The following SMYD3 variants were observed in gnomAD, a reference collection of about 807,000 sequenced individuals.
SMYD3 encodes histone-lysine N-methyltransferase SMYD3.
Under a neutral mutation model 57.7 loss-of-function variants are expected in SMYD3, and 36 were observed. The observed-to-expected ratio is 0.62, with a 90% CI of 0.48 to 0.82. SMYD3 has a LOEUF of 0.82. SMYD3 is among the 40% of genes least tolerant of loss of function. SMYD3 has a pLI of 0.00. For missense variants in SMYD3, 515 were observed against 538.8 expected (o/e 0.96, Z 0.44); for synonymous variants, 211 against 195.0 (o/e 1.08, Z -0.68).
chr1:246,186,984 A>G (rs1162058894), intron 5 of SMYD3: 1 of 949,160 alleles, frequency 1.1e-6, no homozygotes, highest in East Asian at 1.2e-4. Flanking sequence ...CGAAAGAAGA[A>G]ATGGTCTGCT....
intron 5 of SMYD3, among the ~76,000 whole-genome samples, chr1:245,993,194 G>A (rs2058844108): frequency 6.6e-6 from 1 of 152,130 alleles, no homozygotes; most frequent in Non-Finnish European, 1.5e-5. Context: ...ACCCTCTGAG[G>A]TGGTTACAAT....
intron 5 of SMYD3, among the ~76,000 whole-genome samples, chr1:246,061,559 A>G (rs1402643619): frequency 6.6e-6 from 1 of 151,402 alleles, no homozygotes; most frequent in African/African-American, 2.4e-5. Flanking sequence ...CTCTACTTAA[A>G]AAAAAAAAAA....
chr1:246,432,459 A>G (rs1018641642), intron 1 of SMYD3, among the ~76,000 whole-genome samples: 16 of 152,354 alleles, frequency 1.1e-4, no homozygotes, highest in African/African-American at 3.8e-4. Context: ...ACCCAGAAAG[A>G]GAGATCATCC....
intron 5 of SMYD3, among the ~76,000 whole-genome samples, chr1:246,157,979 G>A (rs2062049362): frequency 6.6e-6 from 1 of 152,194 alleles, no homozygotes; most frequent in Non-Finnish European, 1.5e-5. Context: ...ATTCCCCACT[G>A]GTTATGCACA....
At chr1:246,405,021 G>A (rs979278216) in intron 1 of SMYD3, among the ~76,000 whole-genome samples, 3 of 151,962 alleles carry the variant, frequency 2.0e-5, no homozygotes, top group Non-Finnish European at 2.9e-5. Context: ...GTGCAATCAC[G>A]GCTCACTACA....
At chr1:245,973,311 G>A (rs563577852) in intron 5 of SMYD3, among the ~76,000 whole-genome samples, 1 of 152,208 alleles carries the variant, frequency 6.6e-6, no homozygotes, top group African/African-American at 2.4e-5. Flanking sequence ...TATAGACACA[G>A]CACAAGAAGG....
chr1:246,226,673 A>G (rs1352832749), intron 5 of SMYD3, among the ~76,000 whole-genome samples: 2 of 152,242 alleles, frequency 1.3e-5, no homozygotes, highest in Non-Finnish European at 2.9e-5. Context: ...ACTGGGAAAC[A>G]GAACCATTTC....
In SMYD3 at chr1:246,332,523, T is replaced by A. The variant is rs2065477795; in HGVS notation, c.337-1986A>T. On this transcript the variant is annotated intron_variant, in intron 3 of 11. Coordinates refer to ENST00000490107, the MANE Select transcript of SMYD3 (RefSeq NM_001167740.2). The stretch of plus-strand genomic sequence containing the variant: ...ATCTCCATAACATAAAAGCACGAGG[T>A]GGCCAGGTGCGGTGGCTTACGCCCA... Among the ~76,000 whole-genome samples the A allele has an allele frequency of 2.6e-5, 4 of 152,148 alleles. No homozygotes were observed. The South Asian group carries it at 8.3e-4, about 32-fold the overall frequency.
chr1:245,987,875 G>A (rs1010790874), intron 5 of SMYD3, among the ~76,000 whole-genome samples: 1 of 152,174 alleles, frequency 6.6e-6, no homozygotes, highest in Non-Finnish European at 1.5e-5. Context: ...AAACCTGTTT[G>A]TACTGGAGAA....
At chr1:246,059,340 GA>G (rs66576741) in intron 5 of SMYD3, among the ~76,000 whole-genome samples, 7,771 of 129,272 alleles carry the variant, frequency 0.06, 252 homozygotes, top group African/African-American at 0.099. Flanking sequence ...TTTACCTAGA[GA>G]AAAAAAAAAA....
intron 5 of SMYD3, among the ~76,000 whole-genome samples, chr1:245,989,043 T>C (rs1017377680): frequency 4.6e-5 from 7 of 152,232 alleles, no homozygotes; most frequent in African/African-American, 1.4e-4. Context: ...GCTGAACACA[T>C]TGTAACTTAT....
intron 5 of SMYD3, among the ~76,000 whole-genome samples, chr1:246,281,917 A>G (rs969157149): frequency 6.6e-6 from 1 of 152,224 alleles, no homozygotes; most frequent in Admixed American, 6.5e-5. Context: ...TCAGAGGACA[A>G]TGACACACTG....
intron 5 of SMYD3, among the ~76,000 whole-genome samples, chr1:246,147,117 T>A (rs531895650): frequency 4.3e-4 from 66 of 152,328 alleles, no homozygotes; most frequent in African/African-American, 1.4e-3. Flanking sequence ...TCCGAGTCCA[T>A]ATGTTCGCTG....
chr1:246,029,630 C>G (rs544090560), intron 5 of SMYD3, among the ~76,000 whole-genome samples: 1 of 148,364 alleles, frequency 6.7e-6, no homozygotes, highest in South Asian at 2.1e-4. Context: ...CAAGATCCTA[C>G]CACTGCACTC....
chr1:246,431,411 C>A (rs989897168), intron 1 of SMYD3, among the ~76,000 whole-genome samples: 6 of 152,144 alleles, frequency 3.9e-5, no homozygotes, highest in African/African-American at 1.2e-4. Flanking sequence ...ATAAGCCACA[C>A]CTTTTGTATG....
chr1:245,885,181 G>A (rs549530321), intron 8 of SMYD3, among the ~76,000 whole-genome samples: 15 of 152,220 alleles, frequency 9.9e-5, no homozygotes, highest in Middle Eastern at 3.4e-3. Flanking sequence ...TGAACCCACC[G>A]GAAGGAAGAA....
intron 8 of SMYD3, among the ~76,000 whole-genome samples, chr1:245,912,518 A>G (rs138307261): frequency 1.1e-4 from 17 of 152,300 alleles, no homozygotes; most frequent in Non-Finnish European, 2.4e-4. Flanking sequence ...TAAAATTAAC[A>G]TGAAAACACA....
intron 1 of SMYD3, among the ~76,000 whole-genome samples, chr1:246,444,187 C>T (rs2103022646): frequency 6.7e-6 from 1 of 148,668 alleles, no homozygotes; most frequent in Admixed American, 6.8e-5. Flanking sequence ...AGTGCAGGTG[C>T]TTGATCTCCG....
At chr1:246,273,161 T>TTTTTTTTTTTTTG (rs2064258201) in intron 5 of SMYD3, among the ~76,000 whole-genome samples, 3 of 131,080 alleles carry the variant, frequency 2.3e-5, no homozygotes, top group Admixed American at 7.5e-5. Context: ...TTCTTTTTTT[T>TTTTTTTTTTTTTG]GGGGGGGGGA....
Sources: allele counts gnomAD v4.1 joint callset (sites outside exome capture counted in the v4.1 genomes callset), GRCh38; gene constraint gnomAD v4.1.1; transcripts MANE v1.5; gene names NCBI Gene and HGNC (gene_info 2026-07-23, HGNC 2026-07-21).